ABHD18: variants seen among roughly 807,000 people sequenced by gnomAD.
ABHD18 encodes the protein cardiolipin-specific deacylase, mitochondrial.
In ABHD18, 55 loss-of-function variants were observed where a neutral mutation model predicts 65.9. The observed-to-expected ratio is 0.84, with a 90% CI of 0.67 to 1.05. The LOEUF is 1.05. Ranked by LOEUF, ABHD18 falls within the 50% of genes least tolerant of loss-of-function variation. ABHD18 has a pLI of 0.00. For missense variants in ABHD18, 533 were observed against 558.5 expected (o/e 0.95, Z 0.46); for synonymous variants, 181 against 180.2 (o/e 1.00, Z -0.04).
intron 1 of ABHD18, among the ~76,000 whole-genome samples, chr4:127,969,876 A>G (rs1363161771): frequency 1.3e-5 from 2 of 151,836 alleles, no homozygotes; most frequent in Non-Finnish European, 2.9e-5. Flanking sequence ...CCTACTGAGT[A>G]GCTGGGACTA....
At chr4:128,009,394 T>C (rs193067735) in intron 6 of ABHD18, among the ~76,000 whole-genome samples, 19 of 152,320 alleles carry the variant, frequency 1.2e-4, no homozygotes, top group African/African-American at 3.8e-4. Flanking sequence ...TGTACTTCTA[T>C]TGTGCAGTAA....
At chr4:127,977,453 CAA>C (rs1043376780) in intron 1 of ABHD18, among the ~76,000 whole-genome samples, 1 of 152,032 alleles carries the variant, frequency 6.6e-6, no homozygotes, top group African/African-American at 2.4e-5. Context: ...GTCTGGGCAA[CAA>C]GAGTGAAACT....
intron 1 of ABHD18, among the ~76,000 whole-genome samples, chr4:127,975,232 T>C (rs752211497): frequency 6.6e-6 from 1 of 152,112 alleles, no homozygotes; most frequent in African/African-American, 2.4e-5. Flanking sequence ...TGCGCAACTG[T>C]ATCACCACCA....
chr4:127,979,915 CAA>C (rs59944314), intron 1 of ABHD18, among the ~76,000 whole-genome samples: 14 of 66,534 alleles, frequency 2.1e-4, no homozygotes, highest in Admixed American at 5.0e-4. Flanking sequence ...GACTCCATCT[CAA>C]AAAAAAAAAA....
At chr4:128,034,428 TGGG>T (rs1317772146) in intron 12 of ABHD18, among the ~76,000 whole-genome samples, 3 of 151,620 alleles carry the variant, frequency 2.0e-5, no homozygotes, top group African/African-American at 7.3e-5. Context: ...AAAATATGAG[TGGG>T]GCAGGGTGTC....
chr4:127,993,820 A>G (rs1751310773), intron 4 of ABHD18, among the ~76,000 whole-genome samples: 1 of 152,046 alleles, frequency 6.6e-6, no homozygotes, highest in African/African-American at 2.4e-5. Context: ...CAACATCACA[A>G]TGAACATCCT....
chr4:128,003,526 A>C (rs1020583164), intron 4 of ABHD18, among the ~76,000 whole-genome samples: 1 of 152,134 alleles, frequency 6.6e-6, no homozygotes, highest in Admixed American at 6.6e-5. Flanking sequence ...AAAGATAGAA[A>C]AGAATTTTAA....
intron 8 of ABHD18, 92 bp from the exon 9 acceptor site, chr4:128,019,988 T>C: frequency 1.3e-6 from 1 of 779,530 alleles, no homozygotes; most frequent in African/African-American, 1.7e-5. Context: ...TCTGACCAAC[T>C]ATTTACTGCA....
At chr4:127,984,502 T>A in intron 3 of ABHD18, 79 bp downstream of exon 3, 1 of 750,140 alleles carries the variant, frequency 1.3e-6, no homozygotes, top group Non-Finnish European at 2.1e-6. Flanking sequence ...CATATTGGAG[T>A]ATAACAACAA....
intron 7 of ABHD18, among the ~76,000 whole-genome samples, chr4:128,012,159 T>C (rs1754695274): frequency 2.0e-5 from 3 of 152,182 alleles, no homozygotes; most frequent in South Asian, 4.1e-4. Context: ...GTATGTTTAG[T>C]AGAGATGGGC....
At chr4:127,966,257 C>T (rs1310379462) in intron 1 of ABHD18, among the ~76,000 whole-genome samples, 1 of 151,984 alleles carries the variant, frequency 6.6e-6, no homozygotes, top group Admixed American at 6.6e-5. Flanking sequence ...GTTTTATTAG[C>T]GCCAGATACA....
At chr4:128,018,026 C>G (rs1755809526) in intron 8 of ABHD18, among the ~76,000 whole-genome samples, 1 of 152,116 alleles carries the variant, frequency 6.6e-6, no homozygotes. Flanking sequence ...CAAAACCTGC[C>G]AAAAGCTTGC....
chr4:127,982,103 T>A (rs1749157325), intron 1 of ABHD18, among the ~76,000 whole-genome samples: 1 of 152,098 alleles, frequency 6.6e-6, no homozygotes, highest in African/African-American at 2.4e-5. Flanking sequence ...TTCAAAAAAA[T>A]CTGAAGCAAT....
At chr4:128,003,580 C>T (rs145624969) in intron 4 of ABHD18, among the ~76,000 whole-genome samples, 2 of 151,810 alleles carry the variant, frequency 1.3e-5, no homozygotes, top group Admixed American at 1.3e-4. Context: ...GGCTTTTTAT[C>T]ATAATTTCCA....
intron 7 of ABHD18, among the ~76,000 whole-genome samples, chr4:128,013,697 CA>C (rs779571090): frequency 0.013 from 1,505 of 111,962 alleles, 13 homozygotes; most frequent in African/African-American, 0.038. Flanking sequence ...GACTCCGTCT[CA>C]AAAAAAAAAA....
chr4:127,981,101 C>T (rs772463921), intron 1 of ABHD18, among the ~76,000 whole-genome samples: 2 of 152,126 alleles, frequency 1.3e-5, no homozygotes, highest in Non-Finnish European at 2.9e-5. Flanking sequence ...AATTTAAAGA[C>T]TTGGGTGCTC....
chr4:127,984,004 A>G (rs1749523280), intron 2 of ABHD18, among the ~76,000 whole-genome samples: 1 of 151,932 alleles, frequency 6.6e-6, no homozygotes, highest in Non-Finnish European at 1.5e-5. Context: ...GCGCCACTGC[A>G]CTCGCCTGGG....
chr4:127,997,421 A>G (rs962684362), intron 4 of ABHD18, among the ~76,000 whole-genome samples: 2 of 152,314 alleles, frequency 1.3e-5, no homozygotes, highest in East Asian at 3.9e-4. Context: ...TTATTTTAAA[A>G]AGGAAAAAAA....
At chr4:127,977,656 A>C (rs1206806098) in intron 1 of ABHD18, among the ~76,000 whole-genome samples, 5 of 152,214 alleles carry the variant, frequency 3.3e-5, no homozygotes, top group African/African-American at 1.2e-4. Flanking sequence ...GGAGTGGCAT[A>C]GTATAGTAGA....
Sources: gnomAD v4.1 joint callset for allele counts (sites outside exome capture counted in the v4.1 genomes callset) on GRCh38, gnomAD v4.1.1 for gene constraint, MANE v1.5 for transcripts, NCBI Gene and HGNC (gene_info 2026-07-23, HGNC 2026-07-21) for gene names.